The following FAM13A variants were observed in gnomAD, a reference collection of about 807,000 sequenced individuals.
FAM13A encodes the protein family with sequence similarity 13 member A, also known as protein FAM13A.
FAM13A carries 76 observed loss-of-function variants against 129.6 expected under a neutral mutation model. That is an observed-to-expected ratio of 0.59 (90% CI 0.49 to 0.71). The LOEUF is 0.71. Among genes scored for constraint, FAM13A ranks in the 30% least tolerant of loss-of-function variants. The probability of loss-of-function intolerance (pLI) is 0.00; values close to 1 mark genes in which losing one functional copy is unlikely to be tolerated. For synonymous variants in FAM13A, 443 were observed against 449.9 expected, an observed-to-expected ratio of 0.98 and a Z score of 0.20; for missense variants, 1,108 against 1,249.3, an observed-to-expected ratio of 0.89 and a Z score of 1.70.
intron 3 of FAM13A, among the ~76,000 whole-genome samples, chr4:89,013,793 G>A (rs1453662938): frequency 6.6e-6 from 1 of 152,084 alleles, no homozygotes; most frequent in Non-Finnish European, 1.5e-5. Context: ...CAAGTATAAC[G>A]ACATTTCATT....
chr4:88,765,316 T>A lies in FAM13A; in HGVS notation c.1578+2237A>T, dbSNP rs1291966181. Among the ~76,000 whole-genome samples, 5 of 152,360 alleles carry A rather than the reference T, an allele frequency of 3.3e-5. No homozygotes were observed. The East Asian group carries it at 9.6e-4, about 29-fold the overall frequency. On this transcript the variant is annotated intron_variant, in intron 13 of 23. Coordinates refer to ENST00000264344, the MANE Select transcript of FAM13A (RefSeq NM_014883.4). ...TGAAAATATCAATAAGGATGAAGTCTGTCTTAACGGAAAACAAAATTAGAA... is the reference window on the plus strand; with the variant it reads ...TGAAAATATCAATAAGGATGAAGTCAGTCTTAACGGAAAACAAAATTAGAA...
intron 7 of FAM13A, among the ~76,000 whole-genome samples, chr4:88,822,048 TTAAA>T (rs1485208776): frequency 1.3e-5 from 2 of 152,226 alleles, no homozygotes; most frequent in African/African-American, 2.4e-5. Flanking sequence ...TTTTTTATCC[TTAAA>T]TAAACCACAT....
chr4:89,050,655 T>G (rs1771468636), intron 1 of FAM13A, among the ~76,000 whole-genome samples: 1 of 151,784 alleles, frequency 6.6e-6, no homozygotes, highest in Non-Finnish European at 1.5e-5. Flanking sequence ...AAGCCAGGTA[T>G]GGTGGCTCAC....
intron 5 of FAM13A, among the ~76,000 whole-genome samples, chr4:88,908,651 T>C (rs1748547384): frequency 6.6e-6 from 1 of 152,236 alleles, no homozygotes; most frequent in Non-Finnish European, 1.5e-5. Context: ...GTCACCTACA[T>C]GAATTATATT....
At chr4:88,975,941 T>C (rs1201060629) in intron 4 of FAM13A, among the ~76,000 whole-genome samples, 1 of 151,190 alleles carries the variant, frequency 6.6e-6, no homozygotes. Context: ...TTGCCATAAC[T>C]AGTTATATAA....
chr4:88,757,052 A>T (rs1320012492), intron 14 of FAM13A, among the ~76,000 whole-genome samples: 4 of 151,504 alleles, frequency 2.6e-5, no homozygotes, highest in African/African-American at 9.7e-5. Flanking sequence ...TAACTTTTTA[A>T]AAAAAAAATC....
intron 7 of FAM13A, among the ~76,000 whole-genome samples, chr4:88,844,605 G>A (rs1736350587): frequency 6.6e-6 from 1 of 152,190 alleles, no homozygotes; most frequent in Non-Finnish European, 1.5e-5. Context: ...CCTGGAAAGT[G>A]TGGGTTCTCT....
chr4:88,874,860 T>A (rs1045303455), intron 6 of FAM13A, among the ~76,000 whole-genome samples: 1 of 152,180 alleles, frequency 6.6e-6, no homozygotes, highest in Admixed American at 6.5e-5. Context: ...CGAACAAAGC[T>A]GGAGGCATCA....
At chr4:89,035,791 T>C (rs1477772999) in intron 1 of FAM13A, among the ~76,000 whole-genome samples, 1 of 152,222 alleles carries the variant, frequency 6.6e-6, no homozygotes, top group African/African-American at 2.4e-5. Flanking sequence ...AACATGCTTA[T>C]TTTTCCTTTG....
intron 5 of FAM13A, among the ~76,000 whole-genome samples, chr4:88,928,555 T>G (rs2148764483): frequency 6.6e-6 from 1 of 152,272 alleles, no homozygotes; most frequent in South Asian, 2.1e-4. Flanking sequence ...ACATAAAACC[T>G]TCTTTGTCTT....
intron 3 of FAM13A, among the ~76,000 whole-genome samples, chr4:88,997,739 C>T (rs1335466766): frequency 6.6e-6 from 1 of 152,034 alleles, no homozygotes; most frequent in Non-Finnish European, 1.5e-5. Flanking sequence ...ATAATATAAA[C>T]TAACTGACAA....
chr4:88,955,857 A>G (rs1442992665), intron 4 of FAM13A, among the ~76,000 whole-genome samples: 1 of 152,222 alleles, frequency 6.6e-6, no homozygotes, highest in Non-Finnish European at 1.5e-5. Flanking sequence ...AGCAGAGCAT[A>G]AAAGTTTGGG....
chr4:88,731,749 G>A lies in FAM13A; in HGVS notation c.2843+253C>T. On this transcript the variant is annotated intron_variant, in intron 22 of 23. Transcript: ENST00000264344. ...CGTGTGTTAAGTGATGGGCTGTGAT[G>A]TACAGAACCACACGATGCCCTTTAG... is the stretch of plus-strand genomic sequence containing the variant. 7.6e-6 allele frequency: 4 copies of A among 528,440 alleles called. No individual in the cohort carries two copies. In the South Asian group the frequency reaches 1.2e-4, roughly 16 times the overall value. The allele number at this position is 528,440 out of a possible 1,614,324, so 32.7% of individuals were successfully genotyped here.
chr4:88,882,611 A>C (rs1268490456), intron 6 of FAM13A, among the ~76,000 whole-genome samples: 5 of 152,024 alleles, frequency 3.3e-5, no homozygotes, highest in Admixed American at 6.6e-5. Context: ...AAAAAAAAAA[A>C]ACAAGGTCTT....
chr4:88,751,164 C>G (rs947406595), intron 14 of FAM13A, among the ~76,000 whole-genome samples: 1 of 152,172 alleles, frequency 6.6e-6, no homozygotes, highest in African/African-American at 2.4e-5. Context: ...ATTGCTTGAA[C>G]CCAGGAGGTG....
chr4:89,038,821 A>T (rs540291820), intron 1 of FAM13A, among the ~76,000 whole-genome samples: 1 of 152,310 alleles, frequency 6.6e-6, no homozygotes, highest in South Asian at 2.1e-4. Context: ...AAGGATAATC[A>T]GCAGCTGCCA....
chr4:89,034,456 C>T (rs549281694), intron 1 of FAM13A, among the ~76,000 whole-genome samples: 69 of 152,262 alleles, frequency 4.5e-4, no homozygotes, highest in African/African-American at 1.4e-3. Context: ...GAAAAGGGTA[C>T]ATTTATATGC....
At chr4:88,831,607 A>C (rs1015170475) in intron 7 of FAM13A, among the ~76,000 whole-genome samples, 2 of 152,218 alleles carry the variant, frequency 1.3e-5, no homozygotes, top group African/African-American at 4.8e-5. Context: ...TAAATAAGTG[A>C]AAATATATTT....
chr4:89,037,746 G>A (rs1392272919), intron 1 of FAM13A, among the ~76,000 whole-genome samples: 1 of 152,132 alleles, frequency 6.6e-6, no homozygotes, highest in Admixed American at 6.5e-5. Context: ...TTAGACTGGG[G>A]GGTGGATGGT....
Sources: allele counts gnomAD v4.1 joint callset (sites outside exome capture counted in the v4.1 genomes callset), GRCh38; gene constraint gnomAD v4.1.1; transcripts MANE v1.5; gene names NCBI Gene and HGNC (gene_info 2026-07-23, HGNC 2026-07-21).